Variants in EPHA3 observed in about 807,000 individuals in gnomAD.
EPHA3 encodes the protein ephrin type-A receptor 3.
In EPHA3, 42 loss-of-function variants were observed where a neutral mutation model predicts 107.1. The observed-to-expected ratio is 0.39, with a 90% CI of 0.31 to 0.51. The LOEUF (loss-of-function observed/expected upper bound fraction) is 0.51. Among genes scored for constraint, EPHA3 ranks in the 20% least tolerant of loss-of-function variants. The pLI, the probability that EPHA3 is intolerant of heterozygous loss-of-function variation, is 0.78. For missense variants in EPHA3, 1,183 were observed against 1,211.2 expected (o/e 0.98, Z 0.35); for synonymous variants, 461 against 424.8 (o/e 1.09, Z -1.05).
At chr3:89,456,512 G>T (rs73139293) in intron 15 of EPHA3, among the ~76,000 whole-genome samples, 2 of 151,922 alleles carry the variant, frequency 1.3e-5, no homozygotes, top group South Asian at 2.1e-4. Context: ...TGCATATACC[G>T]CAATAGAAGT....
At chr3:89,218,035 TATC>T (rs1210846675) in intron 3 of EPHA3, among the ~76,000 whole-genome samples, 3 of 152,204 alleles carry the variant, frequency 2.0e-5, no homozygotes, top group Admixed American at 2.0e-4. Flanking sequence ...TCAATCCATC[TATC>T]ATCATGCATA....
chr3:89,211,742 CCTTCTTCTTCTT>C (rs1206791496), intron 3 of EPHA3, among the ~76,000 whole-genome samples: 548 of 19,418 alleles, frequency 0.028, 4 homozygotes, highest in East Asian at 0.04. Flanking sequence ...TTCTTCTTCT[CCTTCTTCTTCTT>C]CTTCTTCTTC....
intron 2 of EPHA3, among the ~76,000 whole-genome samples, chr3:89,158,165 T>A (rs1704847201): frequency 6.6e-6 from 1 of 152,092 alleles, no homozygotes; most frequent in Admixed American, 6.6e-5. Flanking sequence ...ACAATGAAAA[T>A]AAGTAAATTA....
At chr3:89,331,238 A>G (rs1707280689) in intron 3 of EPHA3, among the ~76,000 whole-genome samples, 1 of 152,186 alleles carries the variant, frequency 6.6e-6, no homozygotes, top group Non-Finnish European at 1.5e-5. Flanking sequence ...TATGTGCAAT[A>G]ATTTTACTTC....
chr3:89,430,190 G>A (rs570269591), intron 12 of EPHA3, among the ~76,000 whole-genome samples: 48 of 152,220 alleles, frequency 3.2e-4, no homozygotes, highest in South Asian at 1.0e-3. Flanking sequence ...CATTGCAGGC[G>A]ATAAGAAAAG....
intron 10 of EPHA3, among the ~76,000 whole-genome samples, chr3:89,415,923 A>G (rs924409760): frequency 1.3e-5 from 2 of 151,568 alleles, no homozygotes; most frequent in African/African-American, 4.8e-5. Flanking sequence ...TTCCAAATTT[A>G]AAGCCCATGC....
Position 89,413,191 on chromosome 3 carries a change from C to A in EPHA3, c.1813C>A (p.Pro605Thr), listed in dbSNP as rs1439127416. 1.2e-6 allele frequency: 2 copies of A among 1,611,672 alleles called. No individual in the cohort carries two copies. Among genetic ancestry groups the A allele is most frequent in the Non-Finnish European group, 1.7e-6 (2 of 1,178,474 alleles). Reference protein sequence around the residue: ...TYVDPHTYEDPTQAVHEFAKE... With the variant: ...TYVDPHTYEDTTQAVHEFAKE... ...TGTTGACCCACATACATATGAAGAC[C>A]CTACCCAAGCTGTTCATGAGTTTGC... Residue 605 changes from proline (P) to threonine (T), a missense_variant, in exon 10 of 17, where the codon CCT (proline) becomes ACT (threonine). Pro to Thr is a conservative substitution (Grantham distance 38). Transcript: ENST00000336596.
intron 2 of EPHA3, among the ~76,000 whole-genome samples, chr3:89,200,268 CTT>C (rs991572125): frequency 6.6e-6 from 1 of 152,098 alleles, no homozygotes. Flanking sequence ...TACCTTGTCT[CTT>C]TTTGTTGATG....
intron 1 of EPHA3, 30 bp downstream of exon 1, chr3:89,107,866 C>T: frequency 6.2e-7 from 1 of 1,605,978 alleles, no homozygotes; most frequent in Non-Finnish European, 8.5e-7. Flanking sequence ...GCACGGAGCT[C>T]TGCCCCGCGG....
At chr3:89,474,724 G>T (rs1409948538) in intron 16 of EPHA3, among the ~76,000 whole-genome samples, 2 of 152,182 alleles carry the variant, frequency 1.3e-5, no homozygotes, top group Non-Finnish European at 2.9e-5. Flanking sequence ...CTATGAATGT[G>T]ATAAGAAAGC....
At chr3:89,285,154 A>G (rs1706049757) in intron 3 of EPHA3, among the ~76,000 whole-genome samples, 5 of 152,036 alleles carry the variant, frequency 3.3e-5, no homozygotes, top group Admixed American at 3.3e-4. Context: ...AAATAAAAAT[A>G]TGTCACATCA....
chr3:89,227,752 A>G (rs1704533769), intron 3 of EPHA3, among the ~76,000 whole-genome samples: 1 of 151,960 alleles, frequency 6.6e-6, no homozygotes, highest in South Asian at 2.1e-4. Context: ...CACTATAATA[A>G]TTCAGAGTAA....
chr3:89,225,909 T>G (rs1403701470), intron 3 of EPHA3, among the ~76,000 whole-genome samples: 1 of 152,154 alleles, frequency 6.6e-6, no homozygotes, highest in Non-Finnish European at 1.5e-5. Context: ...CTGGGGCCAC[T>G]GTGGGACCAC....
At chr3:89,435,229 T>C (rs1365492155) in intron 13 of EPHA3, among the ~76,000 whole-genome samples, 1 of 151,852 alleles carries the variant, frequency 6.6e-6, no homozygotes, top group Admixed American at 6.6e-5. Context: ...TATTTAAAGC[T>C]AAATTATAAC....
At chr3:89,417,410 A>T (rs1244454932) in intron 10 of EPHA3, among the ~76,000 whole-genome samples, 1 of 151,476 alleles carries the variant, frequency 6.6e-6, no homozygotes, top group East Asian at 1.9e-4. Context: ...ATGCTCTATT[A>T]TACCATGTTG....
intron 3 of EPHA3, among the ~76,000 whole-genome samples, chr3:89,298,066 T>C (rs1192181598): frequency 6.6e-6 from 1 of 151,806 alleles, no homozygotes; most frequent in African/African-American, 2.4e-5. Flanking sequence ...AACAAAAACA[T>C]CCACCTAACG....
chr3:89,450,465 T>C (rs1324512746), intron 15 of EPHA3, 95 bp downstream of exon 15: 1 of 1,210,750 alleles, frequency 8.3e-7, no homozygotes, highest in Non-Finnish European at 1.2e-6. Context: ...CAAAATGCAT[T>C]ATTTGAAGCT....
intron 2 of EPHA3, among the ~76,000 whole-genome samples, chr3:89,207,133 G>T (rs1413434821): frequency 2.0e-5 from 3 of 151,950 alleles, no homozygotes; most frequent in Non-Finnish European, 4.4e-5. Context: ...TTCACAAATT[G>T]TTTTTTATAA....
chr3:89,202,173 C>T lies in EPHA3; in HGVS notation c.154-7687C>T, dbSNP rs529102734. ...ATCTACTGTATGTGTTATGCCTCCT[C>T]CACCAGCATCAATTTCTGATAAGAA... is the stretch of plus-strand genomic sequence containing the variant. On this transcript the variant is annotated intron_variant, in intron 2 of 16. Coordinates refer to ENST00000336596, the MANE Select transcript of EPHA3 (RefSeq NM_005233.6). Among the ~76,000 whole-genome samples, 5 of 152,118 alleles carry T rather than the reference C, an allele frequency of 3.3e-5. No homozygotes were observed. The South Asian group carries it at 8.3e-4, about 25-fold the overall frequency.
Sources: gnomAD v4.1 joint callset for allele counts (sites outside exome capture counted in the v4.1 genomes callset) on GRCh38, gnomAD v4.1.1 for gene constraint, MANE v1.5 for transcripts, NCBI Gene and HGNC (gene_info 2026-07-23, HGNC 2026-07-21) for gene names.